ZNF770: variants seen among roughly 807,000 people sequenced by gnomAD.
ZNF770 encodes the protein zinc finger protein 770.
In ZNF770, 13 loss-of-function variants were observed where a neutral mutation model predicts 44.8. The observed-to-expected ratio is 0.29, with a 90% CI of 0.19 to 0.46. The LOEUF (loss-of-function observed/expected upper bound fraction) is 0.46. Ranked by LOEUF, ZNF770 falls within the 20% of genes least tolerant of loss-of-function variation. The pLI, the probability that ZNF770 is intolerant of heterozygous loss-of-function variation, is 1.00. For missense variants in ZNF770, 681 were observed against 797.9 expected (o/e 0.85, Z 1.77); for synonymous variants, 304 against 271.8 (o/e 1.12, Z -1.17).
chr15:34,985,298 C>G (rs1432982180), intron 2 of ZNF770, among the ~76,000 whole-genome samples: 1 of 152,046 alleles, frequency 6.6e-6, no homozygotes, highest in Non-Finnish European at 1.5e-5. Flanking sequence ...GCTGTGCTAG[C>G]TCTTTCAATA....
At position 34,982,852 on chromosome 15, in the gene ZNF770, T is replaced by C; in HGVS notation, c.583A>G (p.Lys195Glu). 6.2e-7 allele frequency: 1 copy of C among 1,613,918 alleles called. No homozygotes were observed. Among genetic ancestry groups the C allele is most frequent in the Non-Finnish European group, 8.5e-7 (1 of 1,179,956 alleles). Reference protein sequence around the residue: ...QRPFKCVLCTKSFRQSTHLKI... With the variant: ...QRPFKCVLCTESFRQSTHLKI... ...AAGTGAGTTGACTGTCGAAAAGATT[T>C]AGTACACAAGACACATTTAAAAGGC... The change falls in exon 3 of 3, where the codon AAA (lysine) becomes GAA (glutamate). Residue 195 changes from lysine (K) to glutamate (E), a missense_variant. Physicochemically the swap from Lys to Glu is moderately conservative, Grantham distance 56. This residue lies in a region of ZNF770 where 432 missense variants were observed against 434.1 expected (regional missense o/e 1.00). Coordinates refer to ENST00000356321, the MANE Select transcript of ZNF770 (RefSeq NM_014106.4).
rs368007856 is a variant in ZNF770 at position 34,982,109 on chromosome 15, G to A, written c.1326C>T (p.Ile442=). Residue 442 remains isoleucine, a synonymous_variant, in exon 3 of 3, where the codon ATC becomes ATT. Coordinates refer to ENST00000356321, the MANE Select transcript of ZNF770 (RefSeq NM_014106.4). ...AGAATTCCTCACCTGATGAACCACA[G>A]ATTGACAAGTCTTTCTTATTCACTG... ...DNSVNKKDLS[I]CGSSGEEFFN... The A allele has an allele frequency of 6.2e-6, 10 of 1,613,972 alleles. No homozygotes were observed. The highest frequency in any genetic ancestry group is 8.5e-6 in the Non-Finnish European group (10 of 1,180,010).
rs1194665180 is a variant in ZNF770 at position 34,982,126 on chromosome 15, T to C, written c.1309A>G (p.Lys437Glu). 1.2e-6 allele frequency: 2 copies of C among 1,614,068 alleles called. No homozygotes were observed. Among genetic ancestry groups the C allele is most frequent in the Non-Finnish European group, 8.5e-7 (1 of 1,179,994 alleles). The change falls in exon 3 of 3, where the codon AAG becomes GAG. Residue 437 changes from lysine (K) to glutamate (E), a missense_variant. Physicochemically the swap from Lys to Glu is moderately conservative, Grantham distance 56. Coordinates refer to ENST00000356321, the MANE Select transcript of ZNF770 (RefSeq NM_014106.4). Reference protein sequence around the residue: ...NILSIDNSVNKKDLSICGSSG... With the variant: ...NILSIDNSVNEKDLSICGSSG... ...GAACCACAGATTGACAAGTCTTTCT[T>C]ATTCACTGAATTATCAATGCTTAAT...
In ZNF770 at chr15:34,983,016, G is replaced by A. The variant is rs371244358; in HGVS notation, c.419C>T (p.Ala140Val). The A allele has an allele frequency of 3.1e-6, 5 of 1,613,834 alleles. No individual in the cohort carries two copies. The African/African-American group carries it at 6.7e-5, about 22-fold the overall frequency. Residue 140 changes from alanine to valine, a missense_variant, in exon 3 of 3, where the codon GCA (alanine) becomes GTA (valine). Physicochemically the swap from Ala to Val is moderately conservative, Grantham distance 64. This residue lies in a region of ZNF770 where 432 missense variants were observed against 434.1 expected (regional missense o/e 1.00). Transcript: ENST00000356321. ...ATCAGACTTAGAGCACGGGTGTAATGCCCATCTTTCCTCTGTGGTAAAAGT... is the reference window on the plus strand; with the variant it reads ...ATCAGACTTAGAGCACGGGTGTAATACCCATCTTTCCTCTGTGGTAAAAGT... ...YNTFTTEERW[A>V]LHPCSKSDPM...
Position 34,983,408 on chromosome 15 carries a change from C to T in ZNF770, c.27G>A (p.Met9Ile), listed in dbSNP as rs936466138. The T allele has an allele frequency of 4.5e-6, 7 of 1,564,390 alleles. No individual in the cohort carries two copies. The African/African-American group carries it at 9.5e-5, about 21-fold the overall frequency. Reference protein sequence around the residue: MMAENNLKMLKIQQCVVAN... With the variant: MMAENNLKILKIQQCVVAN... The stretch of plus-strand genomic sequence containing the variant: ...CTACCACACACTGTTGAATCTTTAG[C>T]ATTTTTAAATTGTTTTCAGCCATCA... The change falls in exon 3 of 3, where the codon ATG becomes ATA. Residue 9 changes from methionine (M) to isoleucine (I), a missense_variant. By Grantham distance (10) the Met-to-Ile change is conservative. Around this residue, in one of 5 missense-constraint regions of ZNF770, gnomAD observed 65 missense variants for 115.0 expected, o/e 0.57. Coordinates refer to ENST00000356321, the MANE Select transcript of ZNF770 (RefSeq NM_014106.4).
At position 34,981,677 on chromosome 15, in the gene ZNF770, A is replaced by C; in HGVS notation, c.1758T>G (p.Asp586Glu). 6.2e-7 allele frequency: 1 copy of C among 1,614,104 alleles called. No individual in the cohort carries two copies. The highest frequency in any genetic ancestry group is 1.7e-5 in the Admixed American group (1 of 60,026). Residue 586 changes from aspartate (D) to glutamate (E), a missense_variant, in exon 3 of 3, where the codon GAT becomes GAG. Coordinates refer to ENST00000356321, the MANE Select transcript of ZNF770 (RefSeq NM_014106.4). ...QMSGVKAESQDFIPGSTGQPC... is the reference protein window; with the variant it reads ...QMSGVKAESQEFIPGSTGQPC... ...GTTGCCCGGTGCTACCAGGAATAAAATCCTGTGACTCTGCCTTAACTCCTG... is the reference window on the plus strand; with the variant it reads ...GTTGCCCGGTGCTACCAGGAATAAACTCCTGTGACTCTGCCTTAACTCCTG...
Position 34,981,584 on chromosome 15 carries a change from C to G in ZNF770, c.1851G>C (p.Gln617His). The G allele has an allele frequency of 6.2e-7, 1 of 1,614,154 alleles. No individual in the cohort carries two copies. ...GGTACAGGAAGACATCATTTTTCTC[C>G]TGATGCTCTGAATAACTGCAAAAAG... ...SNPFCSYSEH[Q>H]EKNDVFLYRC... The change falls in exon 3 of 3, where the codon CAG becomes CAC. Residue 617 changes from glutamine to histidine, a missense_variant. Transcript: ENST00000356321.
rs764763945 is a variant in ZNF770, at chr15:34,983,376, T to C, written c.59A>G (p.Lys20Arg). Residue 20 changes from lysine to arginine, a missense_variant, in exon 3 of 3, where the codon AAA becomes AGA. Coordinates refer to ENST00000356321, the MANE Select transcript of ZNF770 (RefSeq NM_014106.4). ...AACATATGGCCTGTTTCTAGGTAGT[T>C]TGTTGGCTACCACACACTGTTGAAT... ...LKIQQCVVAN[K>R]LPRNRPYVCN... The C allele has an allele frequency of 6.9e-6, 11 of 1,601,042 alleles. No individual in the cohort carries two copies. The highest frequency in any genetic ancestry group is 1.7e-4 in the Middle Eastern group (1 of 5,988).
chr15:34,984,612 C>G (rs927798054), intron 2 of ZNF770, among the ~76,000 whole-genome samples: 3 of 149,692 alleles, frequency 2.0e-5, no homozygotes, highest in African/African-American at 4.9e-5. Flanking sequence ...GAGCCGAGAT[C>G]GTGCCATTGC....
Position 34,982,538 on chromosome 15 carries a change from A to G in ZNF770, c.897T>C (p.Cys299=). 1 of 1,613,960 alleles carries G rather than the reference A, an allele frequency of 6.2e-7. No homozygotes were observed. The highest frequency in any genetic ancestry group is 8.5e-7 in the Non-Finnish European group (1 of 1,179,984). Residue 299 remains cysteine, a synonymous_variant, in exon 3 of 3, where the codon TGT becomes TGC. Transcript: ENST00000356321. The part of the protein sequence containing the change: ...IYIVPFQCPK[C]EKCFESEQIL... ...TCTGCTCTGATTCAAAACACTTTTC[A>G]CACTTTGGACATTGAAAAGGGACAA...
Position 34,981,708 on chromosome 15 carries a change from T to G in ZNF770, c.1727A>C (p.Gln576Pro), listed in dbSNP as rs775680283. 1.2e-6 allele frequency: 2 copies of G among 1,614,134 alleles called. No individual in the cohort carries two copies. Among genetic ancestry groups the G allele is most frequent in the East Asian group, 4.5e-5 (2 of 44,892 alleles). Residue 576 changes from glutamine to proline, a missense_variant, in exon 3 of 3, where the codon CAA becomes CCA. Gln to Pro is a moderately conservative substitution (Grantham distance 76). Coordinates refer to ENST00000356321, the MANE Select transcript of ZNF770 (RefSeq NM_014106.4). The part of the protein sequence containing the change: ...VQKYEVSESD[Q>P]MSGVKAESQD... ...TGACTCTGCCTTAACTCCTGACATT[T>G]GATCTGACTCTGAGACCTCGTATTT... is the stretch of plus-strand genomic sequence containing the variant.
rs201667487 is a variant in ZNF770, at chr15:34,983,484, C to T, written c.-50G>A. 1.5e-6 allele frequency: 2 copies of T among 1,322,698 alleles called. No individual in the cohort carries two copies. The highest frequency in any genetic ancestry group is 2.7e-5 in the East Asian group (1 of 37,106). The allele number at this position is 1,322,698 out of a possible 1,614,324, so 81.9% of individuals were successfully genotyped here. A position where few individuals can be genotyped will look rare whatever the true frequency, so the allele number is the denominator to read the frequency against. On this transcript the variant is annotated 5_prime_UTR_variant, in exon 3 of 3. It adds an upstream start codon to the 5' untranslated region. Coordinates refer to ENST00000356321, the MANE Select transcript of ZNF770 (RefSeq NM_014106.4). ...AGCTCCATACTGTTCTTAAATTCCA[C>T]AGATGTCTAAAAATTAAAGGAAAAA...
intron 2 of ZNF770, among the ~76,000 whole-genome samples, chr15:34,986,650 G>A (rs1227850051): frequency 1.3e-5 from 2 of 152,220 alleles, no homozygotes; most frequent in East Asian, 1.9e-4. Context: ...AGGACACTGG[G>A]TGAGGGTCAG....
intron 2 of ZNF770, among the ~76,000 whole-genome samples, chr15:34,986,692 C>T (rs558463062): frequency 4.6e-5 from 7 of 152,310 alleles, no homozygotes; most frequent in African/African-American, 1.4e-4. Context: ...AATCCTCTCA[C>T]TGAAAGGAGC....
In ZNF770 at chr15:34,979,739, T is replaced by C. The variant is rs138160516; in HGVS notation, c.*1620A>G. The stretch of plus-strand genomic sequence containing the variant: ...ATTGTTCATTTATCCACATTCTCAA[T>C]AGAGGATTTTCCACTATATTTAAGT... On this transcript the variant is annotated 3_prime_UTR_variant, in exon 3 of 3. Transcript: ENST00000356321. 20 of 437,658 alleles carry C rather than the reference T, an allele frequency of 4.6e-5. No homozygotes were observed. The highest frequency in any genetic ancestry group is 3.9e-4 in the African/African-American group (19 of 49,024). 27.1% of individuals were successfully genotyped at this position (437,658 alleles called of 1,614,324 possible).
intron 2 of ZNF770, among the ~76,000 whole-genome samples, chr15:34,986,638 C>G (rs1254534703): frequency 6.6e-6 from 1 of 152,174 alleles, no homozygotes; most frequent in East Asian, 1.9e-4. Context: ...CTACTAAATA[C>G]AAGGACACTG....
Position 34,981,521 on chromosome 15 carries a change from A to T in ZNF770, c.1914T>A (p.Ser638=). Residue 638 remains serine, a synonymous_variant, in exon 3 of 3, where the codon TCT becomes TCA. Transcript: ENST00000356321. ...SVCAKSFRSP[S]KLERHYLIHA... is the part of the protein sequence containing the mutation. ...GAATTAGGTAGTGTCTTTCCAGTTT[A>T]GATGGAGATCGGAAACTTTTAGCAC... The T allele has an allele frequency of 1.2e-6, 2 of 1,614,248 alleles. No individual in the cohort carries two copies. Among genetic ancestry groups the T allele is most frequent in the South Asian group, 1.1e-5 (1 of 91,090 alleles).
chr15:34,986,524 T>C (rs7176128), intron 2 of ZNF770, among the ~76,000 whole-genome samples: 1 of 152,174 alleles, frequency 6.6e-6, no homozygotes, highest in African/African-American at 2.4e-5. Context: ...GGTGCCAAGG[T>C]AGTCAATCAG....
Position 34,982,104 on chromosome 15 carries a change from C to A in ZNF770, c.1331G>T (p.Gly444Val). The change falls in exon 3 of 3, where the codon GGT (glycine) becomes GTT (valine). Residue 444 changes from glycine (G) to valine (V), a missense_variant. Gly to Val is a moderately radical substitution (Grantham distance 109). Transcript: ENST00000356321. Reference sequence around the variant, plus strand: ...ATTAAAGAATTCCTCACCTGATGAACCACAGATTGACAAGTCTTTCTTATT... The same window carrying A: ...ATTAAAGAATTCCTCACCTGATGAAACACAGATTGACAAGTCTTTCTTATT... ...SVNKKDLSICGSSGEEFFNNC... is the reference protein window; with the variant it reads ...SVNKKDLSICVSSGEEFFNNC... The A allele has an allele frequency of 6.2e-7, 1 of 1,613,978 alleles. No individual in the cohort carries two copies. The highest frequency in any genetic ancestry group is 8.5e-7 in the Non-Finnish European group (1 of 1,180,010).
Sources: gnomAD v4.1 joint callset for allele counts (sites outside exome capture counted in the v4.1 genomes callset) on GRCh38, gnomAD v4.1.1 for gene constraint, gnomAD v4.1.1 regional missense constraint, MANE v1.5 for transcripts, NCBI Gene and HGNC (gene_info 2026-07-23, HGNC 2026-07-21) for gene names.